The following ANK2 variants were observed in gnomAD, a reference collection of about 807,000 sequenced individuals.
The protein encoded by ANK2 is ankyrin 2.
ANK2 carries 83 observed loss-of-function variants against 360.5 expected under a neutral mutation model. That is an observed-to-expected ratio of 0.23 (90% CI 0.19 to 0.28). The LOEUF (loss-of-function observed/expected upper bound fraction) is 0.28. ANK2 is among the 10% of genes least tolerant of loss of function. The pLI, the probability that ANK2 is intolerant of heterozygous loss-of-function variation, is 1.00. For synonymous variants in ANK2, 1,740 were observed against 1,759.5 expected, an observed-to-expected ratio of 0.99 and a Z score of 0.28; for missense variants, 4,201 against 4,795.7, an observed-to-expected ratio of 0.88 and a Z score of 3.66.
intron 17 of ANK2, among the ~76,000 whole-genome samples, chr4:113,279,300 C>A (rs2061374585): frequency 6.6e-6 from 1 of 152,058 alleles, no homozygotes; most frequent in Non-Finnish European, 1.5e-5. Context: ...CTATATTAGA[C>A]AATATAATAA....
the ANK2 span, among the ~76,000 whole-genome samples, chr4:112,727,095 T>A: frequency 2.0e-5 from 3 of 152,070 alleles, no homozygotes; most frequent in Non-Finnish European, 2.9e-5. Context: ...AAATACTATG[T>A]TCTGTGTTGT....
chr4:112,936,833 G>A (rs1206057862), intron 2 of ANK2, among the ~76,000 whole-genome samples: 2 of 152,056 alleles, frequency 1.3e-5, no homozygotes, highest in African/African-American at 4.8e-5. Context: ...CTGTTGCCCA[G>A]GCTGTAGTGC....
At chr4:112,758,563 C>T in the ANK2 span, among the ~76,000 whole-genome samples, 6 of 152,004 alleles carry the variant, frequency 3.9e-5, no homozygotes, top group East Asian at 9.8e-4. Flanking sequence ...GGCGAGCAGG[C>T]GCCACCAGGC....
intron 2 of ANK2, among the ~76,000 whole-genome samples, chr4:113,000,040 G>A (rs2050061032): frequency 2.0e-5 from 3 of 152,130 alleles, no homozygotes; most frequent in African/African-American, 4.8e-5. Flanking sequence ...ATGTGCATGG[G>A]AGTTCACATA....
intron 9 of ANK2, among the ~76,000 whole-genome samples, chr4:113,247,962 T>C (rs188554489): frequency 1.9e-4 from 29 of 152,368 alleles, no homozygotes; most frequent in African/African-American, 6.5e-4. Context: ...GTAATCATTG[T>C]CATCACTTTG....
chr4:113,105,480 A>G (rs894452277), intron 1 of ANK2, among the ~76,000 whole-genome samples: 7 of 152,166 alleles, frequency 4.6e-5, no homozygotes, highest in Non-Finnish European at 8.8e-5. Flanking sequence ...TACGATAGAA[A>G]GATGGGATTT....
chr4:112,957,811 G>A (rs1489066110), intron 2 of ANK2, among the ~76,000 whole-genome samples: 17 of 142,916 alleles, frequency 1.2e-4, no homozygotes, highest in South Asian at 9.0e-4. Context: ...GGCGGCTGCC[G>A]GGCGGAGGGG....
the ANK2 span, among the ~76,000 whole-genome samples, chr4:112,730,877 C>T: frequency 4.7e-5 from 7 of 150,492 alleles, no homozygotes; most frequent in African/African-American, 9.8e-5. Flanking sequence ...GCGGTGGCTA[C>T]GCCTGTAGTC....
intron 2 of ANK2, among the ~76,000 whole-genome samples, chr4:113,019,508 A>G (rs975217831): frequency 6.6e-6 from 1 of 152,244 alleles, no homozygotes; most frequent in South Asian, 2.1e-4. Context: ...ATAAGTAAAT[A>G]CAACTATTTT....
chr4:112,754,190 A>G, the ANK2 span, among the ~76,000 whole-genome samples: 11 of 146,636 alleles, frequency 7.5e-5, no homozygotes, highest in Non-Finnish European at 1.3e-4. Context: ...CCAGTTGTTC[A>G]CAGGTTCTCT....
At chr4:112,789,424 C>T in the ANK2 span, among the ~76,000 whole-genome samples, 2 of 152,194 alleles carry the variant, frequency 1.3e-5, no homozygotes, top group Non-Finnish European at 2.9e-5. Flanking sequence ...CCATCTAAAT[C>T]AGCAGGTCAC....
rs554162056 is a variant in ANK2 at position 113,381,581 on chromosome 4, G to C, written c.*110G>C. 1.2e-5 allele frequency: 20 copies of C among 1,600,180 alleles called. No individual in the cohort carries two copies. The highest frequency in any genetic ancestry group is 1.4e-5 in the Non-Finnish European group (16 of 1,171,922). On this transcript the variant is annotated 3_prime_UTR_variant, in exon 46 of 46. Transcript: ENST00000357077. ...ACTAGACCAGGACGACCTCCAGCGCGATCTCCAGCAGCTCCTTCGGCATTT... is the reference window on the plus strand; with the variant it reads ...ACTAGACCAGGACGACCTCCAGCGCCATCTCCAGCAGCTCCTTCGGCATTT...
At chr4:112,828,989 A>G (rs988198901) in intron 1 of ANK2, among the ~76,000 whole-genome samples, 4 of 152,284 alleles carry the variant, frequency 2.6e-5, no homozygotes, top group African/African-American at 9.6e-5. Context: ...CCCTGTCTCT[A>G]CTAAAAGCAA....
chr4:112,750,261 A>G, the ANK2 span, among the ~76,000 whole-genome samples: 12 of 152,010 alleles, frequency 7.9e-5, no homozygotes, highest in African/African-American at 2.7e-4. Flanking sequence ...AGGAAACCCC[A>G]TATTCACGAG....
rs539521558 is a variant in ANK2 at position 112,990,826 on chromosome 4, CCA to C, written c.21+86313_21+86314del. Among the ~76,000 whole-genome samples, 11 of 152,236 alleles carry C rather than the reference CCA, an allele frequency of 7.2e-5. No individual in the cohort carries two copies. In the South Asian group the frequency reaches 2.3e-3, roughly 32 times the overall value. On this transcript the variant is annotated intron_variant, in intron 2 of 30. Coordinates refer to the ANK2 transcript ENST00000503271. ...ATGTATCCACTTGGCTAAGCAGTCT[CCA>C]GTTATTCTATCAAACTCTAAGTGTT... is the stretch of plus-strand genomic sequence containing the variant.
chr4:113,318,052 T>C (rs1427541204), intron 25 of ANK2, among the ~76,000 whole-genome samples: 1 of 152,232 alleles, frequency 6.6e-6, no homozygotes, highest in Non-Finnish European at 1.5e-5. Context: ...TGAATTCTTC[T>C]GTGGAGATTA....
intron 1 of ANK2, among the ~76,000 whole-genome samples, chr4:112,891,372 A>AT (rs1025461872): frequency 9.2e-5 from 14 of 151,944 alleles, no homozygotes; most frequent in Admixed American, 1.3e-4. Context: ...GTTATCAATT[A>AT]TTTTTTTTAT....
chr4:113,171,936 C>T (rs989194436), intron 1 of ANK2, among the ~76,000 whole-genome samples: 4 of 152,122 alleles, frequency 2.6e-5, no homozygotes, highest in African/African-American at 9.7e-5. Flanking sequence ...TCTCTTCATT[C>T]CTTTGGTGTC....
At chr4:112,950,808 C>T (rs964314566) in intron 2 of ANK2, among the ~76,000 whole-genome samples, 3 of 147,622 alleles carry the variant, frequency 2.0e-5, no homozygotes, top group South Asian at 2.2e-4. Context: ...CTCGGCCGGG[C>T]GCGGTGGCTC....
Sources: allele counts gnomAD v4.1 joint callset (sites outside exome capture counted in the v4.1 genomes callset), GRCh38; gene constraint gnomAD v4.1.1; transcripts MANE v1.5; gene names NCBI Gene and HGNC (gene_info 2026-07-23, HGNC 2026-07-21).